Variants in SRL observed in about 807,000 individuals in gnomAD.
The protein encoded by SRL is sarcalumenin.
A neutral mutation model predicts 39.5 loss-of-function variants in SRL; 23 were observed. The observed-to-expected ratio is 0.58, with a 90% CI of 0.42 to 0.82. The LOEUF is 0.82. SRL is among the 40% of genes least tolerant of loss of function. SRL has a pLI of 0.00. For synonymous variants in SRL, 272 were observed against 237.4 expected, an observed-to-expected ratio of 1.15 and a Z score of -1.34; for missense variants, 592 against 607.8, an observed-to-expected ratio of 0.97 and a Z score of 0.27.
intron 3 of SRL, among the ~76,000 whole-genome samples, chr16:4,199,979 G>A (rs923197344): frequency 6.8e-5 from 10 of 147,710 alleles, no homozygotes; most frequent in Non-Finnish European, 1.0e-4. Flanking sequence ...TTACAGGCGT[G>A]AGCCCCCACA....
intron 3 of SRL, among the ~76,000 whole-genome samples, chr16:4,198,869 T>G (rs898589488): frequency 6.6e-6 from 1 of 152,186 alleles, no homozygotes; most frequent in African/African-American, 2.4e-5. Flanking sequence ...GAAGGCCATG[T>G]TGGGGAGATG....
At chr16:4,238,225 C>T (rs1009060503) in intron 1 of SRL, among the ~76,000 whole-genome samples, 1 of 152,150 alleles carries the variant, frequency 6.6e-6, no homozygotes, top group African/African-American at 2.4e-5. Context: ...TAAGTAAGCC[C>T]AGGCGCTCCA....
chr16:4,225,324 T>C lies in SRL; in HGVS notation c.61+16683A>G, dbSNP rs953287141. Among the ~76,000 whole-genome samples the C allele has an allele frequency of 7.2e-5, 11 of 152,330 alleles. No homozygotes were observed. The East Asian group carries it at 1.9e-3, about 27-fold the overall frequency. On this transcript the variant is annotated intron_variant, in intron 1 of 5. Transcript: ENST00000399609. ...AGAGCCGGGTGTGGTGGCTCACCCC[T>C]GTAATCCCAGCACTCGGTGAGGCTG...
At chr16:4,199,748 G>C (rs1351896712) in intron 3 of SRL, among the ~76,000 whole-genome samples, 1 of 135,878 alleles carries the variant, frequency 7.4e-6, no homozygotes, top group Non-Finnish European at 1.5e-5. Flanking sequence ...CCAGGCTAGA[G>C]TGCAGTGGCA....
intron 1 of SRL, among the ~76,000 whole-genome samples, chr16:4,235,768 T>A (rs2052707693): frequency 6.6e-6 from 1 of 152,096 alleles, no homozygotes; most frequent in Non-Finnish European, 1.5e-5. Context: ...TCAGGCCACA[T>A]ATCCACCGCG....
At chr16:4,224,508 C>G (rs1177254752) in intron 1 of SRL, among the ~76,000 whole-genome samples, 1 of 151,974 alleles carries the variant, frequency 6.6e-6, no homozygotes, top group Admixed American at 6.6e-5. Flanking sequence ...CAGTTCGAGA[C>G]CAACCTGGGC....
At chr16:4,203,725 A>G (rs1409356953) in intron 2 of SRL, among the ~76,000 whole-genome samples, 1 of 151,582 alleles carries the variant, frequency 6.6e-6, no homozygotes, top group South Asian at 2.1e-4. Flanking sequence ...CTCCTTCCTC[A>G]CCTCAGTAGT....
intron 1 of SRL, among the ~76,000 whole-genome samples, chr16:4,208,777 G>A (rs184994297): frequency 2.4e-4 from 37 of 152,214 alleles, no homozygotes; most frequent in African/African-American, 8.2e-4. Context: ...TAGATTAGAG[G>A]GTACATGGCC....
At chr16:4,238,126 C>T (rs1283566235) in intron 1 of SRL, among the ~76,000 whole-genome samples, 1 of 152,190 alleles carries the variant, frequency 6.6e-6, no homozygotes, top group Non-Finnish European at 1.5e-5. Flanking sequence ...CAGGGTTGCA[C>T]ATACGAGCGA....
chr16:4,220,635 C>T (rs370344387), intron 1 of SRL, among the ~76,000 whole-genome samples: 2 of 152,184 alleles, frequency 1.3e-5, no homozygotes, highest in Non-Finnish European at 2.9e-5. Context: ...TATCCCACCC[C>T]AGGGAGAAAT....
At chr16:4,233,179 A>C (rs1265728974) in intron 1 of SRL, among the ~76,000 whole-genome samples, 1 of 152,206 alleles carries the variant, frequency 6.6e-6, no homozygotes, top group Non-Finnish European at 1.5e-5. Context: ...AACTGGCCCC[A>C]ACTCATCAGG....
chr16:4,222,793 G>T (rs1380905098), intron 1 of SRL, among the ~76,000 whole-genome samples: 2 of 152,182 alleles, frequency 1.3e-5, no homozygotes, highest in African/African-American at 4.8e-5. Context: ...AGAGGAGCTT[G>T]ATTAAAAGTA....
intron 4 of SRL, among the ~76,000 whole-genome samples, chr16:4,196,856 A>G (rs1310135021): frequency 1.3e-5 from 2 of 152,112 alleles, no homozygotes; most frequent in East Asian, 3.9e-4. Context: ...TAATGTCTTC[A>G]TGGTTCATCC....
chr16:4,215,350 T>C (rs1326077640), intron 1 of SRL, among the ~76,000 whole-genome samples: 1 of 152,240 alleles, frequency 6.6e-6, no homozygotes, highest in Non-Finnish European at 1.5e-5. Flanking sequence ...GGCTGGACTC[T>C]AGCCCTTAAA....
intron 3 of SRL, among the ~76,000 whole-genome samples, chr16:4,199,221 C>T (rs956276916): frequency 6.6e-6 from 1 of 152,076 alleles, no homozygotes; most frequent in Non-Finnish European, 1.5e-5. Context: ...AAAAGGTAAA[C>T]AGTGAAAAGT....
chr16:4,202,122 G>A (rs918502799), intron 3 of SRL, among the ~76,000 whole-genome samples: 39 of 152,292 alleles, frequency 2.6e-4, no homozygotes, highest in South Asian at 6.2e-4. Context: ...GGTCACGCAG[G>A]GGAGGAGCAC....
intron 1 of SRL, among the ~76,000 whole-genome samples, chr16:4,238,056 G>T (rs2052731684): frequency 6.6e-6 from 1 of 152,186 alleles, no homozygotes; most frequent in African/African-American, 2.4e-5. Flanking sequence ...AAAACAGCAG[G>T]GATGCAGCAA....
rs2141022914 is a variant in SRL at position 4,195,695 on chromosome 16, G to A, written c.468C>T (p.Ala156=). The A allele has an allele frequency of 6.2e-7, 1 of 1,614,114 alleles. No individual in the cohort carries two copies. Among genetic ancestry groups the A allele is most frequent in the East Asian group, 2.2e-5 (1 of 44,868 alleles). ...IEGIVMAADS[A]RSFSPLEKFG... is the part of the protein sequence containing the mutation. The stretch of plus-strand genomic sequence containing the variant: ...ACTTCTCAAGGGGTGAGAAGGAACG[G>A]GCGCTGTCAGCAGCCATGACGATGC... The change falls in exon 5 of 6, where the codon GCC becomes GCT. Residue 156 remains alanine (A), a synonymous_variant. Transcript: ENST00000399609.
At chr16:4,239,062 G>C (rs774124718) in intron 1 of SRL, among the ~76,000 whole-genome samples, 1 of 152,174 alleles carries the variant, frequency 6.6e-6, no homozygotes, top group African/African-American at 2.4e-5. Context: ...TGGGGAAAAG[G>C]CTTCTGGGGT....
Sources: allele counts gnomAD v4.1 joint callset (sites outside exome capture counted in the v4.1 genomes callset), GRCh38; gene constraint gnomAD v4.1.1; transcripts MANE v1.5; gene names NCBI Gene and HGNC (gene_info 2026-07-23, HGNC 2026-07-21).